TFDP2: variants seen among roughly 807,000 people sequenced by gnomAD.
TFDP2 encodes transcription factor Dp-2.
Under a neutral mutation model 59.3 loss-of-function variants are expected in TFDP2, and 17 were observed. The ratio of observed to expected loss-of-function variants is 0.29; its 90% CI spans 0.20 to 0.43. TFDP2 has a LOEUF of 0.43. Among genes scored for constraint, TFDP2 ranks in the 20% least tolerant of loss-of-function variants. The pLI is 1.00. For missense variants in TFDP2, 391 were observed against 528.8 expected (o/e 0.74, Z 2.56); for synonymous variants, 180 against 194.7 (o/e 0.92, Z 0.63).
chr3:141,971,374 TAAAA>T (rs56219575), intron 8 of TFDP2, among the ~76,000 whole-genome samples: 8,952 of 79,686 alleles, frequency 0.11, 382 homozygotes, highest in Middle Eastern at 0.18. Context: ...TCGTCTCTAC[TAAAA>T]AAAAAAAAAA....
At chr3:142,008,520 G>A (rs1944395768) in intron 3 of TFDP2, among the ~76,000 whole-genome samples, 1 of 152,002 alleles carries the variant, frequency 6.6e-6, no homozygotes, top group Non-Finnish European at 1.5e-5. Context: ...TTTCCAGAGA[G>A]GCCCCAATTC....
chr3:141,984,357 T>C (rs12488787), intron 6 of TFDP2, among the ~76,000 whole-genome samples: 11,314 of 151,984 alleles, frequency 0.074, 527 homozygotes, highest in Non-Finnish European at 0.11. Flanking sequence ...AATTAGCTGG[T>C]GTGGTGGCGC....
intron 3 of TFDP2, among the ~76,000 whole-genome samples, chr3:142,054,497 T>C (rs1006705686): frequency 2.6e-5 from 4 of 152,232 alleles, no homozygotes; most frequent in Admixed American, 2.0e-4. Context: ...GTTATTTATG[T>C]ATCAGTTCTC....
At chr3:141,977,103 TA>T (rs1258345073) in intron 7 of TFDP2, among the ~76,000 whole-genome samples, 2 of 101,492 alleles carry the variant, frequency 2.0e-5, no homozygotes, top group Non-Finnish European at 4.0e-5. Context: ...TATATATATA[TA>T]TATTTTTTTT....
At chr3:141,984,978 C>T (rs770717700) in intron 6 of TFDP2, among the ~76,000 whole-genome samples, 5 of 151,866 alleles carry the variant, frequency 3.3e-5, no homozygotes, top group Admixed American at 6.6e-5. Context: ...CCATAGGCAA[C>T]GTGCCCAGAG....
At chr3:142,122,349 A>ACCTATCTCTAAAATC (rs959937015) in intron 1 of TFDP2, among the ~76,000 whole-genome samples, 1 of 152,050 alleles carries the variant, frequency 6.6e-6, no homozygotes, top group African/African-American at 2.4e-5. Flanking sequence ...CCAGCAAGAA[A>ACCTATCTCTAAAATC]CCTATCTCTA....
chr3:141,985,979 T>A (rs1942056757), intron 6 of TFDP2, among the ~76,000 whole-genome samples: 1 of 152,226 alleles, frequency 6.6e-6, no homozygotes, highest in Non-Finnish European at 1.5e-5. Flanking sequence ...GTGGAGAAAC[T>A]GGAATACTCA....
chr3:142,069,098 T>C (rs979300627), intron 3 of TFDP2, among the ~76,000 whole-genome samples: 12 of 152,028 alleles, frequency 7.9e-5, no homozygotes, highest in African/African-American at 1.2e-4. Flanking sequence ...GTATTTTTAG[T>C]AGAGACGAGG....
At chr3:142,056,936 T>A (rs1004362532) in intron 3 of TFDP2, among the ~76,000 whole-genome samples, 1 of 152,218 alleles carries the variant, frequency 6.6e-6, no homozygotes, top group Non-Finnish European at 1.5e-5. Context: ...AGATTGCTGA[T>A]CCTCAGAAAC....
chr3:142,043,550 A>G (rs1947136488), intron 3 of TFDP2: 6 of 666,658 alleles, frequency 9.0e-6, no homozygotes, highest in Non-Finnish European at 1.6e-5. Context: ...ACAAGCAGAT[A>G]AAGGTTTCTT....
chr3:141,993,256 G>A (rs542811537), intron 6 of TFDP2, among the ~76,000 whole-genome samples: 1 of 151,996 alleles, frequency 6.6e-6, no homozygotes, highest in Admixed American at 6.5e-5. Flanking sequence ...GTAATGTGGA[G>A]TATTCACTTT....
intron 8 of TFDP2, among the ~76,000 whole-genome samples, chr3:141,972,996 C>G (rs901271942): frequency 4.0e-5 from 6 of 150,432 alleles, no homozygotes; most frequent in African/African-American, 1.5e-4. Flanking sequence ...GTTTCTCTCT[C>G]CATCCATAAG....
chr3:142,069,236 T>C (rs2060165419), intron 3 of TFDP2, among the ~76,000 whole-genome samples: 1 of 152,184 alleles, frequency 6.6e-6, no homozygotes, highest in African/African-American at 2.4e-5. Flanking sequence ...TCAATGTGTC[T>C]TCTAGATCAT....
chr3:141,995,715 C>T (rs1448893189), intron 4 of TFDP2, among the ~76,000 whole-genome samples: 2 of 151,804 alleles, frequency 1.3e-5, no homozygotes, highest in African/African-American at 4.8e-5. Context: ...GAAAACCTAT[C>T]TCTATTAAAA....
chr3:142,120,854 T>C (rs1183515228), intron 1 of TFDP2, among the ~76,000 whole-genome samples: 1 of 152,118 alleles, frequency 6.6e-6, no homozygotes, highest in East Asian at 1.9e-4. Context: ...TCATTCACTG[T>C]GCATATAACC....
At chr3:142,028,392 T>A (rs1210907518) in intron 3 of TFDP2, among the ~76,000 whole-genome samples, 1 of 140,856 alleles carries the variant, frequency 7.1e-6, no homozygotes, top group Non-Finnish European at 1.5e-5. Flanking sequence ...AACTAATTCT[T>A]CCCCTCCCCC....
chr3:142,140,985 T>C (rs1338412520), intron 1 of TFDP2, among the ~76,000 whole-genome samples: 3 of 152,208 alleles, frequency 2.0e-5, no homozygotes, highest in Admixed American at 1.3e-4. Context: ...GTGGAGTCTA[T>C]AGAGGCAGTA....
chr3:142,100,566 T>A (rs1213338511), intron 2 of TFDP2, among the ~76,000 whole-genome samples: 1 of 152,014 alleles, frequency 6.6e-6, no homozygotes, highest in Non-Finnish European at 1.5e-5. Flanking sequence ...AGAGACGGGG[T>A]TTCACCATGT....
chr3:142,041,973 G>A (rs561470371), intron 3 of TFDP2, among the ~76,000 whole-genome samples: 1 of 152,218 alleles, frequency 6.6e-6, no homozygotes, highest in African/African-American at 2.4e-5. Context: ...CTATATTTGG[G>A]TGAGTCCATT....
Sources: allele counts gnomAD v4.1 joint callset (sites outside exome capture counted in the v4.1 genomes callset), GRCh38; gene constraint gnomAD v4.1.1; transcripts MANE v1.5; gene names NCBI Gene and HGNC (gene_info 2026-07-23, HGNC 2026-07-21).